Variants in MYO3B observed in about 807,000 individuals in gnomAD.
MYO3B encodes myosin-IIIb.
MYO3B carries 156 observed loss-of-function variants against 174.6 expected under a neutral mutation model. That is an observed-to-expected ratio of 0.89 (90% confidence interval 0.78 to 1.02). The LOEUF (loss-of-function observed/expected upper bound fraction) is 1.02. MYO3B is among the 50% of genes least tolerant of loss of function. MYO3B has a pLI of 0.00. For missense variants in MYO3B, 1,632 were observed against 1,639.4 expected, an observed-to-expected ratio of 1.00 and a Z score of 0.08; for synonymous variants, 563 against 569.1, an observed-to-expected ratio of 0.99 and a Z score of 0.15.
chr2:170,482,410 C>T (rs1370541145), intron 25 of MYO3B, among the ~76,000 whole-genome samples: 6 of 152,224 alleles, frequency 3.9e-5, no homozygotes, highest in Non-Finnish European at 8.8e-5. Flanking sequence ...CTGCCTTGGC[C>T]TCCCAGAGTG....
At chr2:170,611,459 A>T (rs60362814) in intron 32 of MYO3B, among the ~76,000 whole-genome samples, 3,336 of 152,252 alleles carry the variant, frequency 0.022, 139 homozygotes, top group African/African-American at 0.076. Context: ...TAAAATTTGT[A>T]AAATGGGTAT....
chr2:170,597,984 TG>T (rs1332038908), intron 32 of MYO3B, among the ~76,000 whole-genome samples: 7 of 152,196 alleles, frequency 4.6e-5, no homozygotes, highest in African/African-American at 1.7e-4. Flanking sequence ...TTATAGCATT[TG>T]GGGACAGCTA....
chr2:170,303,159 C>G (rs947217623), intron 7 of MYO3B, among the ~76,000 whole-genome samples: 1 of 152,044 alleles, frequency 6.6e-6, no homozygotes, highest in Admixed American at 6.6e-5. Context: ...ACTATGTTGT[C>G]TATGAATGGA....
intron 6 of MYO3B, among the ~76,000 whole-genome samples, chr2:170,218,105 G>A (rs913063268): frequency 1.3e-5 from 2 of 152,142 alleles, no homozygotes; most frequent in Admixed American, 1.3e-4. Context: ...CACCTCCTTA[G>A]ATGTCTTTCC....
intron 1 of MYO3B, among the ~76,000 whole-genome samples, chr2:170,195,728 C>T (rs1255014167): frequency 1.3e-5 from 2 of 152,164 alleles, no homozygotes; most frequent in East Asian, 1.9e-4. Context: ...CTGGAGCCCC[C>T]AAGGCGCTCA....
intron 1 of MYO3B, among the ~76,000 whole-genome samples, chr2:170,197,740 T>C (rs1248768839): frequency 1.3e-5 from 2 of 152,156 alleles, no homozygotes; most frequent in Admixed American, 6.5e-5. Context: ...ATATTTCTTG[T>C]AGAATCTAGT....
chr2:170,264,297 C>T (rs569681234), intron 7 of MYO3B, among the ~76,000 whole-genome samples: 1 of 152,326 alleles, frequency 6.6e-6, no homozygotes, highest in African/African-American at 2.4e-5. Context: ...CCTTTCTTTA[C>T]CTGGCTTTTT....
intron 30 of MYO3B, among the ~76,000 whole-genome samples, chr2:170,530,182 T>C (rs1396658361): frequency 1.3e-5 from 2 of 152,186 alleles, no homozygotes; most frequent in South Asian, 2.1e-4. Flanking sequence ...TCTTTTTATC[T>C]GAATGGTGTA....
intron 22 of MYO3B, among the ~76,000 whole-genome samples, chr2:170,422,521 C>T (rs971020737): frequency 2.7e-5 from 4 of 149,850 alleles, no homozygotes; most frequent in African/African-American, 4.9e-5. Context: ...TGCAGTGGCT[C>T]GATCTCGGCT....
intron 30 of MYO3B, among the ~76,000 whole-genome samples, chr2:170,542,082 T>C (rs1690148884): frequency 7.2e-6 from 1 of 138,770 alleles, no homozygotes. Context: ...CTACAGAAAC[T>C]TACCCAAAGT....
At chr2:170,239,305 T>C (rs2093105451) in intron 7 of MYO3B, among the ~76,000 whole-genome samples, 1 of 152,208 alleles carries the variant, frequency 6.6e-6, no homozygotes, top group African/African-American at 2.4e-5. Context: ...CAAGAATCAA[T>C]AGAGTTAGTG....
chr2:170,515,933 T>A (rs1030534795), intron 29 of MYO3B, among the ~76,000 whole-genome samples: 1 of 152,150 alleles, frequency 6.6e-6, no homozygotes, highest in Non-Finnish European at 1.5e-5. Flanking sequence ...TCAGTGTTTC[T>A]TGAACTTGAG....
intron 7 of MYO3B, among the ~76,000 whole-genome samples, chr2:170,248,993 C>G (rs1402924191): frequency 6.6e-6 from 1 of 152,224 alleles, no homozygotes; most frequent in Admixed American, 6.5e-5. Context: ...TGTGTGGCCT[C>G]TGACTTGTTG....
At chr2:170,434,298 T>A (rs749737643) in intron 22 of MYO3B, among the ~76,000 whole-genome samples, 4 of 152,168 alleles carry the variant, frequency 2.6e-5, no homozygotes, top group Admixed American at 6.6e-5. Flanking sequence ...CAACTTGTTA[T>A]ATATAAAGTT....
At chr2:170,484,328 T>C (rs1433560324) in intron 25 of MYO3B, among the ~76,000 whole-genome samples, 1 of 152,160 alleles carries the variant, frequency 6.6e-6, no homozygotes, top group Admixed American at 6.6e-5. Context: ...AATAAATAAA[T>C]TGAGGTGGTT....
chr2:170,418,822 A>AG (rs1323846790), intron 22 of MYO3B, among the ~76,000 whole-genome samples: 2 of 152,190 alleles, frequency 1.3e-5, no homozygotes, highest in Admixed American at 6.5e-5. Flanking sequence ...AAAAAAAAAA[A>AG]AAGATGCTTA....
chr2:170,457,563 T>C (rs1401646423), intron 23 of MYO3B, among the ~76,000 whole-genome samples: 1 of 152,166 alleles, frequency 6.6e-6, no homozygotes, highest in Non-Finnish European at 1.5e-5. Context: ...CTCAGGATCA[T>C]CAATATCACT....
chr2:170,649,596 G>C (rs1698843784), intron 32 of MYO3B, among the ~76,000 whole-genome samples: 1 of 150,146 alleles, frequency 6.7e-6, no homozygotes, highest in African/African-American at 2.4e-5. Context: ...GGAGGCCGAG[G>C]AGGGCAGATC....
Position 170,401,610 on chromosome 2 carries a change from T to C in MYO3B, c.2048T>C (p.Met683Thr), listed in dbSNP as rs768842148. The C allele has an allele frequency of 8.7e-6, 14 of 1,614,114 alleles. No homozygotes were observed. Among genetic ancestry groups the C allele is most frequent in the Middle Eastern group, 1.6e-4 (1 of 6,062 alleles). ...AGGGCTGCGGACGTTCGAGACGCCA[T>C]GTCCAAAGCCCTGTATGGGAGGCTC... is the stretch of plus-strand genomic sequence containing the variant. The part of the protein sequence containing the change: ...VDRAADVRDA[M>T]SKALYGRLFS... Residue 683 changes from methionine (M) to threonine (T), a missense_variant, in exon 18 of 35, where the codon ATG (methionine) becomes ACG (threonine). By Grantham distance (81) the Met-to-Thr change is moderately conservative. Coordinates refer to ENST00000408978, the MANE Select transcript of MYO3B (RefSeq NM_138995.5).
Sources: gnomAD v4.1 joint callset for allele counts (sites outside exome capture counted in the v4.1 genomes callset) on GRCh38, gnomAD v4.1.1 for gene constraint, MANE v1.5 for transcripts, NCBI Gene and HGNC (gene_info 2026-07-23, HGNC 2026-07-21) for gene names.